PCDH9: variants seen among roughly 807,000 people sequenced by gnomAD.
PCDH9 encodes the protein protocadherin 9.
PCDH9 carries 24 observed loss-of-function variants against 70.6 expected under a neutral mutation model. That is an observed-to-expected ratio of 0.34 (90% CI 0.25 to 0.48). PCDH9 has a LOEUF of 0.48. Ranked by LOEUF, PCDH9 falls within the 20% of genes least tolerant of loss-of-function variation. The pLI is 0.99. For missense variants in PCDH9, 1,281 were observed against 1,503.6 expected, an observed-to-expected ratio of 0.85 and a Z score of 2.45; for synonymous variants, 562 against 558.5, an observed-to-expected ratio of 1.01 and a Z score of -0.09.
chr13:66,991,660 TTGAA>T (rs746262282), intron 2 of PCDH9, among the ~76,000 whole-genome samples: 5 of 152,078 alleles, frequency 3.3e-5, no homozygotes, highest in African/African-American at 4.8e-5. Flanking sequence ...AAAAATAATT[TTGAA>T]TGAACATTTA....
chr13:66,847,414 G>T (rs76068686), intron 3 of PCDH9, among the ~76,000 whole-genome samples: 2,022 of 152,234 alleles, frequency 0.013, 50 homozygotes, highest in African/African-American at 0.046. Context: ...AACTGCAGGG[G>T]TTTTTTCTCC....
intron 2 of PCDH9, among the ~76,000 whole-genome samples, chr13:67,022,115 T>A (rs2084687968): frequency 7.2e-5 from 1 of 13,884 alleles, no homozygotes; most frequent in South Asian, 3.0e-3. Flanking sequence ...TCTTTTTTTT[T>A]TTTTTTTTTT....
chr13:67,000,086 T>C (rs1317664479), intron 2 of PCDH9, among the ~76,000 whole-genome samples: 1 of 152,118 alleles, frequency 6.6e-6, no homozygotes, highest in Non-Finnish European at 1.5e-5. Context: ...CCAACCCAAA[T>C]GTCCAACAAT....
chr13:66,399,428 C>A (rs942100364), intron 4 of PCDH9, among the ~76,000 whole-genome samples: 1 of 152,072 alleles, frequency 6.6e-6, no homozygotes, highest in Non-Finnish European at 1.5e-5. Context: ...AGTGAAGATT[C>A]CTCTCTGCTC....
At chr13:66,356,148 A>G (rs1287412719) in intron 4 of PCDH9, among the ~76,000 whole-genome samples, 5 of 152,166 alleles carry the variant, frequency 3.3e-5, no homozygotes, top group Non-Finnish European at 7.4e-5. Context: ...ATCAATTCAG[A>G]ACAAAAAGTA....
intron 3 of PCDH9, among the ~76,000 whole-genome samples, chr13:66,796,616 GA>G (rs2139330544): frequency 6.9e-6 from 1 of 144,290 alleles, no homozygotes; most frequent in South Asian, 2.4e-4. Context: ...ACTGAAGAGA[GA>G]TTTTTAGTAA....
At chr13:66,945,785 T>C (rs2083078649) in intron 2 of PCDH9, among the ~76,000 whole-genome samples, 1 of 152,196 alleles carries the variant, frequency 6.6e-6, no homozygotes, top group African/African-American at 2.4e-5. Context: ...TTTATATTAC[T>C]GTTGACAGTA....
intron 2 of PCDH9, among the ~76,000 whole-genome samples, chr13:67,105,923 A>T (rs748679463): frequency 1.5e-4 from 22 of 150,920 alleles, no homozygotes; most frequent in Admixed American, 4.0e-4. Context: ...AAATATACAT[A>T]TATATTTATA....
In PCDH9 at chr13:67,226,142, G is replaced by T. The variant is rs760054864; in HGVS notation, c.2299C>A (p.Leu767Ile). 3.1e-5 allele frequency: 50 copies of T among 1,614,114 alleles called. No homozygotes were observed. The highest frequency in any genetic ancestry group is 4.2e-5 in the Non-Finnish European group (50 of 1,180,012). The change falls in exon 2 of 5, where the codon CTT becomes ATT. Residue 767 changes from leucine to isoleucine, a missense_variant. Physicochemically the swap from Leu to Ile is conservative, Grantham distance 5. This residue lies in a region of PCDH9 where 798 missense variants were observed against 1,003.1 expected (regional missense o/e 0.80). Transcript: ENST00000377865. The surrounding 1 kb of genome is among the most constrained non-coding windows in gnomAD (Gnocchi z 5.0). ...DLGYPKSLHT[L>I]VLVFLYVNDT... ...TTAACATAAAGGAATACAAGCACAA[G>T]CGTGTGCAAAGACTTAGGGTACCCC... is the stretch of plus-strand genomic sequence containing the variant.
chr13:66,723,818 G>T (rs544359383), intron 3 of PCDH9, among the ~76,000 whole-genome samples: 16 of 152,310 alleles, frequency 1.1e-4, no homozygotes, highest in African/African-American at 2.9e-4. Context: ...CTGTAGCACT[G>T]GAGAGCCCAG....
chr13:66,909,048 C>G (rs1437918045), intron 2 of PCDH9, among the ~76,000 whole-genome samples: 1 of 151,906 alleles, frequency 6.6e-6, no homozygotes, highest in East Asian at 1.9e-4. Flanking sequence ...CTATAGTATA[C>G]AGAGTCTGTT....
chr13:66,740,341 G>C (rs1166965086), intron 3 of PCDH9, among the ~76,000 whole-genome samples: 1 of 91,110 alleles, frequency 1.1e-5, no homozygotes, highest in African/African-American at 3.7e-5. Flanking sequence ...ATTCAAAGCA[G>C]TGTGTAGAGG....
intron 4 of PCDH9, among the ~76,000 whole-genome samples, chr13:66,423,178 C>T (rs187418879): frequency 1.3e-5 from 2 of 151,900 alleles, no homozygotes; most frequent in Non-Finnish European, 2.9e-5. Flanking sequence ...AGCCTACCAA[C>T]CAAAAAAAGC....
intron 3 of PCDH9, among the ~76,000 whole-genome samples, chr13:66,714,519 T>C (rs2078844272): frequency 1.3e-5 from 2 of 151,976 alleles, no homozygotes; most frequent in South Asian, 4.1e-4. Context: ...AGAGCAGTTT[T>C]ACGGTTCAAC....
chr13:66,826,874 T>G (rs1039681208), intron 3 of PCDH9, among the ~76,000 whole-genome samples: 2 of 152,130 alleles, frequency 1.3e-5, no homozygotes, highest in Non-Finnish European at 2.9e-5. Flanking sequence ...AGAAACCAGC[T>G]TTGGTTTCAG....
rs576444976 is a variant in PCDH9, at chr13:67,073,057, G to A, written c.3036+152348C>T. 3.5e-4 allele frequency among the ~76,000 whole-genome samples: 53 copies of A among 152,164 alleles called. 1 individual carries two copies. Among genetic ancestry groups the A allele is most frequent in the Admixed American group, 3.3e-4 (5 of 15,266 alleles). ...ACATTTAAACATGTTCAATTGATTCGCTGAATTTCATTTCTTCTTAGGCTT... is the reference window on the plus strand; with the variant it reads ...ACATTTAAACATGTTCAATTGATTCACTGAATTTCATTTCTTCTTAGGCTT... On this transcript the variant is annotated intron_variant, in intron 2 of 4. Coordinates refer to ENST00000377865, the MANE Select transcript of PCDH9 (RefSeq NM_203487.3).
In PCDH9 at chr13:67,150,306, G is replaced by A. The variant is rs528584353; in HGVS notation, c.3036+75099C>T. ...CCTGCCTCAGCTTCCCGAAGTGATG[G>A]GATTACAGGCATGAGCCACTGTGCC... is the stretch of plus-strand genomic sequence containing the variant. On this transcript the variant is annotated intron_variant, in intron 2 of 4. Coordinates refer to ENST00000377865, the MANE Select transcript of PCDH9 (RefSeq NM_203487.3). Among the ~76,000 whole-genome samples, 3 of 152,184 alleles carry A rather than the reference G, an allele frequency of 2.0e-5. No individual in the cohort carries two copies. In the South Asian group the frequency reaches 6.2e-4, roughly 32 times the overall value.
At chr13:66,750,710 AT>A (rs202086761) in intron 3 of PCDH9, among the ~76,000 whole-genome samples, 18 of 151,648 alleles carry the variant, frequency 1.2e-4, no homozygotes, top group African/African-American at 2.7e-4. Context: ...TACTGGGTTG[AT>A]TTTTTTTTAA....
intron 2 of PCDH9, among the ~76,000 whole-genome samples, chr13:67,009,629 C>T (rs2084416015): frequency 6.6e-6 from 1 of 152,008 alleles, no homozygotes; most frequent in Admixed American, 6.6e-5. Context: ...ATTTAGCCCT[C>T]ACTCTGCATT....
Sources: gnomAD v4.1 joint callset for allele counts (sites outside exome capture counted in the v4.1 genomes callset) on GRCh38, gnomAD v4.1.1 for gene constraint, gnomAD v4.1.1 regional missense constraint, Gnocchi (gnomAD v3.1) non-coding constraint, MANE v1.5 for transcripts, NCBI Gene and HGNC (gene_info 2026-07-23, HGNC 2026-07-21) for gene names.